Variants in MAGI3 observed in about 807,000 individuals in gnomAD.
The protein encoded by MAGI3 is membrane-associated guanylate kinase, WW and PDZ domain-containing protein 3.
In MAGI3, 43 loss-of-function variants were observed where a neutral mutation model predicts 121.8. The observed-to-expected ratio is 0.35, with a 90% CI of 0.28 to 0.46. The LOEUF (loss-of-function observed/expected upper bound fraction) is 0.46, where lower values mean the gene tolerates loss of function less well. MAGI3 is among the 20% of genes least tolerant of loss of function. The pLI is 1.00. For missense variants in MAGI3, 1,547 were observed against 1,797.3 expected (o/e 0.86, Z 2.52); for synonymous variants, 553 against 639.3 (o/e 0.86, Z 2.04).
intron 1 of MAGI3, among the ~76,000 whole-genome samples, chr1:113,435,337 AC>A (rs1207046307): frequency 6.6e-6 from 1 of 152,054 alleles, no homozygotes; most frequent in Non-Finnish European, 1.5e-5. Context: ...TGAATTCTTG[AC>A]CCTCAGCCTA....
chr1:113,658,010 A>C lies in MAGI3; in HGVS notation c.2630-1070A>C, dbSNP rs1229732845. On this transcript the variant is annotated intron_variant, in intron 15 of 20. Coordinates refer to ENST00000307546, the MANE Select transcript of MAGI3 (RefSeq NM_001142782.2). This position sits in a 1 kb window ranked among gnomAD's most constrained non-coding sequence, Gnocchi z 4.0. ...CTCCTAGATATGATTCAGAAATACTAGTAAGGAGCAGGTTTTACTATGGAA... is the reference window on the plus strand; with the variant it reads ...CTCCTAGATATGATTCAGAAATACTCGTAAGGAGCAGGTTTTACTATGGAA... 6.6e-6 allele frequency among the ~76,000 whole-genome samples: 1 copy of C among 152,224 alleles called. No homozygotes were observed. Among genetic ancestry groups the C allele is most frequent in the East Asian group, 1.9e-4 (1 of 5,200 alleles).
chr1:113,396,201 G>A (rs1235668020), intron 1 of MAGI3, among the ~76,000 whole-genome samples: 1 of 151,772 alleles, frequency 6.6e-6, no homozygotes, highest in African/African-American at 2.4e-5. Flanking sequence ...GGGACTTAGT[G>A]TTTTGGGAGT....
chr1:113,663,235 AATATAT>A (rs3081634), intron 16 of MAGI3, among the ~76,000 whole-genome samples: 2 of 144,036 alleles, frequency 1.4e-5, no homozygotes, highest in Non-Finnish European at 3.0e-5. Context: ...CAAAAACAGA[AATATAT>A]ATATATATAT....
chr1:113,633,293 G>C (rs1384772254), intron 9 of MAGI3, among the ~76,000 whole-genome samples: 2 of 95,620 alleles, frequency 2.1e-5, no homozygotes, highest in African/African-American at 8.5e-5. Context: ...ACGGAGTCTC[G>C]CTCTGTCGCC....
intron 1 of MAGI3, among the ~76,000 whole-genome samples, chr1:113,439,562 G>A (rs1653810912): frequency 6.6e-6 from 1 of 151,994 alleles, no homozygotes; most frequent in Non-Finnish European, 1.5e-5. Context: ...ATACTGTAGT[G>A]TTTTATCACC....
chr1:113,546,956 G>A (rs529705316), intron 1 of MAGI3, among the ~76,000 whole-genome samples: 15 of 151,844 alleles, frequency 9.9e-5, no homozygotes, highest in Middle Eastern at 3.4e-3. Flanking sequence ...GGTGGCGGGC[G>A]CCTGTAGTCC....
At chr1:113,401,182 G>T (rs1464546972) in intron 1 of MAGI3, among the ~76,000 whole-genome samples, 2 of 152,142 alleles carry the variant, frequency 1.3e-5, no homozygotes, top group Non-Finnish European at 2.9e-5. Context: ...GAAGAATTAT[G>T]AACTGACACA....
At chr1:113,495,195 A>G (rs1054703339) in intron 1 of MAGI3, among the ~76,000 whole-genome samples, 5 of 152,182 alleles carry the variant, frequency 3.3e-5, no homozygotes, top group Admixed American at 2.6e-4. Flanking sequence ...TGGACTGCTA[A>G]ATCATAGAGG....
rs1191145612 is a variant in MAGI3, at chr1:113,470,453, T to C, written c.317-79062T>C. Among the ~76,000 whole-genome samples, 8 of 152,300 alleles carry C rather than the reference T, an allele frequency of 5.3e-5. No individual in the cohort carries two copies. The East Asian group carries it at 1.3e-3, about 26-fold the overall frequency. ...CTTCACAGTTACACACAACACTTCA[T>C]GCTATAACCTATTGACCAGAACTTA... On this transcript the variant is annotated intron_variant, in intron 1 of 20. Coordinates refer to ENST00000307546, the MANE Select transcript of MAGI3 (RefSeq NM_001142782.2).
chr1:113,544,857 C>A (rs912045875), intron 1 of MAGI3, among the ~76,000 whole-genome samples: 2 of 152,116 alleles, frequency 1.3e-5, no homozygotes, highest in African/African-American at 4.8e-5. Context: ...AGCAGAAATC[C>A]TTTTCCTATA....
Position 113,470,426 on chromosome 1 carries a change from A to G in MAGI3, c.316+79077A>G, listed in dbSNP as rs1013487906. 2.0e-5 allele frequency among the ~76,000 whole-genome samples: 3 copies of G among 152,194 alleles called. No homozygotes were observed. In the East Asian group the frequency reaches 5.8e-4, roughly 29 times the overall value. ...TTTCAAAAAAGTATGAAGTTTAGAA[A>G]ACTTCACAGTTACACACAACACTTC... On this transcript the variant is annotated intron_variant, in intron 1 of 20. Coordinates refer to ENST00000307546, the MANE Select transcript of MAGI3 (RefSeq NM_001142782.2).
chr1:113,479,635 T>G (rs1311569064), intron 1 of MAGI3, among the ~76,000 whole-genome samples: 1 of 152,202 alleles, frequency 6.6e-6, no homozygotes, highest in African/African-American at 2.4e-5. Context: ...GGATGTTCAT[T>G]TTTTTCTTCC....
At chr1:113,490,369 A>G (rs1417074798) in intron 1 of MAGI3, among the ~76,000 whole-genome samples, 1 of 152,244 alleles carries the variant, frequency 6.6e-6, no homozygotes, top group Non-Finnish European at 1.5e-5. Context: ...CTGCCTTACA[A>G]GAGCCCCTGA....
At chr1:113,479,576 G>T (rs1382265808) in intron 1 of MAGI3, among the ~76,000 whole-genome samples, 1 of 152,132 alleles carries the variant, frequency 6.6e-6, no homozygotes, top group African/African-American at 2.4e-5. Context: ...TCTTGGTAAA[G>T]ATCTCTTTAT....
chr1:113,409,957 G>A (rs1233556300), intron 1 of MAGI3, among the ~76,000 whole-genome samples: 2 of 152,082 alleles, frequency 1.3e-5, no homozygotes, highest in South Asian at 2.1e-4. Flanking sequence ...TGCAAGTCAC[G>A]CCGTTAAACG....
At chr1:113,415,595 C>T (rs1280839259) in intron 1 of MAGI3, among the ~76,000 whole-genome samples, 1 of 151,914 alleles carries the variant, frequency 6.6e-6, no homozygotes, top group African/African-American at 2.4e-5. Context: ...TTAGTCGTTC[C>T]TGTTTTTTTC....
chr1:113,448,318 T>C (rs752895012), intron 1 of MAGI3, among the ~76,000 whole-genome samples: 1 of 152,182 alleles, frequency 6.6e-6, no homozygotes, highest in Non-Finnish European at 1.5e-5. Context: ...GCCTTCTCTT[T>C]TGAGTGGAGT....
intron 9 of MAGI3, among the ~76,000 whole-genome samples, chr1:113,623,654 A>G (rs1423606862): frequency 6.6e-6 from 1 of 151,636 alleles, no homozygotes; most frequent in Non-Finnish European, 1.5e-5. Flanking sequence ...CGCCTGGCTA[A>G]TTTTTTGTAT....
Position 113,416,232 on chromosome 1 carries a change from CAT to C in MAGI3, c.316+24886_316+24887del, listed in dbSNP as rs1261194108. On this transcript the variant is annotated intron_variant, in intron 1 of 20. Coordinates refer to ENST00000307546, the MANE Select transcript of MAGI3 (RefSeq NM_001142782.2). ...ATATTATTATGTGTAATTAATGACA[CAT>C]ATTAATTATGTAATTAATTACACAT... Among the ~76,000 whole-genome samples, 14 of 135,644 alleles carry C rather than the reference CAT, an allele frequency of 1.0e-4. 3 individuals carry two copies. Among genetic ancestry groups the C allele is most frequent in the Admixed American group, 3.1e-4 (4 of 12,766 alleles). The allele number at this position is 135,644 out of a possible 152,430, so 89.0% of individuals were successfully genotyped here.
Sources: allele counts gnomAD v4.1 joint callset (sites outside exome capture counted in the v4.1 genomes callset), GRCh38; gene constraint gnomAD v4.1.1; non-coding constraint Gnocchi (gnomAD v3.1); transcripts MANE v1.5; gene names NCBI Gene and HGNC (gene_info 2026-07-23, HGNC 2026-07-21).